Variants in RAB4A observed in about 807,000 individuals in gnomAD.
RAB4A encodes RAB4A, member RAS oncogene family.
RAB4A carries 20 observed loss-of-function variants against 34.5 expected under a neutral mutation model. The ratio of observed to expected loss-of-function variants is 0.58; its 90% CI spans 0.41 to 0.84. The LOEUF (loss-of-function observed/expected upper bound fraction) is 0.84, where lower values mean the gene tolerates loss of function less well. Ranked by LOEUF, RAB4A falls within the 40% of genes least tolerant of loss-of-function variation. RAB4A has a pLI of 0.00. For synonymous variants in RAB4A, 102 were observed against 100.0 expected (o/e 1.02, Z -0.12); for missense variants, 228 against 274.5 (o/e 0.83, Z 1.20).
chr1:229,300,289 C>T (rs1239769905), intron 6 of RAB4A, among the ~76,000 whole-genome samples: 2 of 152,116 alleles, frequency 1.3e-5, no homozygotes, highest in Admixed American at 1.3e-4. Flanking sequence ...TGGGTTGTGA[C>T]TTGAGATAAG....
intron 4 of RAB4A, among the ~76,000 whole-genome samples, chr1:229,297,002 C>CT (rs1301201265): frequency 6.6e-6 from 1 of 152,234 alleles, no homozygotes; most frequent in African/African-American, 2.4e-5. Flanking sequence ...ATTAATCTCT[C>CT]TGGGCCTTGG....
intron 1 of RAB4A, among the ~76,000 whole-genome samples, chr1:229,285,577 G>A (rs1558236910): frequency 6.6e-6 from 1 of 152,172 alleles, no homozygotes. Flanking sequence ...GGAATACAGA[G>A]CAGAGCCTTT....
chr1:229,303,319 A>C (rs1657466505), intron 7 of RAB4A, among the ~76,000 whole-genome samples: 1 of 151,822 alleles, frequency 6.6e-6, no homozygotes, highest in African/African-American at 2.4e-5. Context: ...AGATCATACC[A>C]CTGCACTCCA....
chr1:229,276,918 C>T (rs952066917), intron 1 of RAB4A, among the ~76,000 whole-genome samples: 4 of 150,210 alleles, frequency 2.7e-5, no homozygotes, highest in Admixed American at 6.6e-5. Flanking sequence ...AACCTGGGTT[C>T]ATGAGGATAC....
Position 229,284,771 on chromosome 1 carries a change from A to G in RAB4A, c.32-1715A>G, listed in dbSNP as rs1373321125. On this transcript the variant is annotated intron_variant, in intron 1 of 7. Transcript: ENST00000366690. ...ACAATCCTTTAATTTTAATTCTATA[A>G]AATTCTCAGCCATTATTTATTTTAA... Among the ~76,000 whole-genome samples the G allele has an allele frequency of 2.6e-5, 4 of 152,014 alleles. 1 individual carries two copies. The highest frequency in any genetic ancestry group is 9.7e-5 in the African/African-American group (4 of 41,360).
Position 229,271,329 on chromosome 1 carries a change from C to T in RAB4A, c.-11C>T, listed in dbSNP as rs901980629. On this transcript the variant is annotated 5_prime_UTR_variant, in exon 1 of 8. Transcript: ENST00000366690. ...GCCGGTGACCCGGCGAGAGGCGGCG[C>T]CGCTCCCAAGATGTCGCAGACGGCC... The T allele has an allele frequency of 2.3e-6, 3 of 1,313,644 alleles. No individual in the cohort carries two copies. Among genetic ancestry groups the T allele is most frequent in the Non-Finnish European group, 1.9e-6 (2 of 1,031,658 alleles). 81.4% of individuals were successfully genotyped at this position (1,313,644 alleles called of 1,614,324 possible). A position where few individuals can be genotyped will look rare whatever the true frequency, so the allele number is the denominator to read the frequency against.
intron 1 of RAB4A, among the ~76,000 whole-genome samples, chr1:229,285,895 AAAG>A (rs1246234314): frequency 2.6e-5 from 4 of 152,386 alleles, no homozygotes; most frequent in Non-Finnish European, 4.4e-5. Flanking sequence ...TACTATGTGT[AAAG>A]AAGAAGTTAT....
At chr1:229,278,866 T>C (rs1029838933) in intron 1 of RAB4A, among the ~76,000 whole-genome samples, 1 of 152,262 alleles carries the variant, frequency 6.6e-6, no homozygotes, top group African/African-American at 2.4e-5. Context: ...GAGATGCTGA[T>C]GATCAGTCAG....
At chr1:229,297,694 TTTC>T in intron 5 of RAB4A, 58 bp downstream of exon 5, 1 of 1,425,042 alleles carries the variant, frequency 7.0e-7, no homozygotes, top group Non-Finnish European at 9.4e-7. Context: ...GATAATAGCA[TTTC>T]TTTGAATTTA....
intron 1 of RAB4A, among the ~76,000 whole-genome samples, chr1:229,277,099 A>G (rs1656672224): frequency 6.7e-6 from 1 of 148,552 alleles, no homozygotes; most frequent in East Asian, 1.9e-4. Flanking sequence ...AATTATTATT[A>G]TATCAGTGGA....
intron 3 of RAB4A, among the ~76,000 whole-genome samples, chr1:229,292,237 GAAA>G (rs776815426): frequency 8.1e-6 from 1 of 123,354 alleles, no homozygotes; most frequent in Admixed American, 8.3e-5. Context: ...TAAATAAAAG[GAAA>G]AAAAAAAGAA....
chr1:229,284,107 T>G (rs1230236929), intron 1 of RAB4A, among the ~76,000 whole-genome samples: 1 of 142,476 alleles, frequency 7.0e-6, no homozygotes, highest in African/African-American at 2.6e-5. Context: ...TTTTTTTTTT[T>G]TTTTTTTTTT....
rs990555603 is a variant in RAB4A at position 229,304,511 on chromosome 1, A to G, written c.*718A>G. On this transcript the variant is annotated 3_prime_UTR_variant, in exon 8 of 8. Transcript: ENST00000366690. The stretch of plus-strand genomic sequence containing the variant: ...CTCTGTTTTTGGCTGTGAGACTAGC[A>G]CTAAGGATTCTGGTACCTTTACCCA... 6.6e-6 allele frequency: 1 copy of G among 152,230 alleles called. No individual in the cohort carries two copies. Among genetic ancestry groups the G allele is most frequent in the African/African-American group, 2.4e-5 (1 of 41,454 alleles). 9.4% of individuals were successfully genotyped at this position (152,230 alleles called of 1,614,324 possible).
intron 1 of RAB4A, among the ~76,000 whole-genome samples, chr1:229,273,504 C>T (rs1378108287): frequency 6.6e-6 from 1 of 152,186 alleles, no homozygotes; most frequent in Non-Finnish European, 1.5e-5. Context: ...CTTTGGAAGG[C>T]CGAGTTGGGC....
In RAB4A at chr1:229,288,758, G is replaced by A. The variant is rs1352590783; in HGVS notation, c.142G>A (p.Val48Met). The A allele has an allele frequency of 1.3e-6, 2 of 1,581,640 alleles. No homozygotes were observed. The highest frequency in any genetic ancestry group is 1.7e-6 in the Non-Finnish European group (2 of 1,152,450). ...FKDDSNHTIG[V>M]EFGSKIINVG... ...AGATGACTCAAATCATACAATAGGA[G>A]TGGAATTTGGTTCAAAGATAATAAA... Residue 48 changes from valine (V) to methionine (M), a missense_variant, in exon 3 of 8, where the codon GTG (valine) becomes ATG (methionine). Coordinates refer to ENST00000366690, the MANE Select transcript of RAB4A (RefSeq NM_004578.4).
In RAB4A at chr1:229,302,286, TATATATATATATATATATA is replaced by T. The variant is rs1233534491; in HGVS notation, c.542-575_542-557del. 1.3e-3 allele frequency among the ~76,000 whole-genome samples: 29 copies of T among 22,544 alleles called. 1 individual carries two copies. Among genetic ancestry groups the T allele is most frequent in the African/African-American group, 2.2e-3 (11 of 5,076 alleles). The allele number at this position is 22,544 out of a possible 152,430, so 14.8% of individuals were successfully genotyped here. On this transcript the variant is annotated intron_variant, in intron 6 of 7. Transcript: ENST00000366690. ...ATATATATATATATATATATATATA[TATATATATATATATATATA>T]TATATTTTTTTTTTTTTTTTACATG...
intron 6 of RAB4A, among the ~76,000 whole-genome samples, chr1:229,300,692 G>C (rs972700013): frequency 3.3e-5 from 5 of 152,310 alleles, no homozygotes; most frequent in African/African-American, 1.2e-4. Context: ...GGCCTTTGCG[G>C]TAACGCTGAG....
At chr1:229,289,721 C>G (rs745539686) in intron 3 of RAB4A, among the ~76,000 whole-genome samples, 1 of 152,164 alleles carries the variant, frequency 6.6e-6, no homozygotes, top group Non-Finnish European at 1.5e-5. Context: ...GAGGCTGAGG[C>G]AGGAAAATCG....
At chr1:229,300,618 G>A (rs1176062266) in intron 6 of RAB4A, among the ~76,000 whole-genome samples, 1 of 152,192 alleles carries the variant, frequency 6.6e-6, no homozygotes, top group Non-Finnish European at 1.5e-5. Context: ...AGACAGAGAT[G>A]GGGTGGAGCC....
Sources: allele counts gnomAD v4.1 joint callset (sites outside exome capture counted in the v4.1 genomes callset), GRCh38; gene constraint gnomAD v4.1.1; transcripts MANE v1.5; gene names NCBI Gene and HGNC (gene_info 2026-07-23, HGNC 2026-07-21).